The following OR3A2 variants were observed in gnomAD, a reference collection of about 807,000 sequenced individuals.
OR3A2 encodes the protein olfactory receptor family 3 subfamily A member 2.
For synonymous variants in OR3A2, 126 were observed against 159.3 expected, an observed-to-expected ratio of 0.79 and a Z score of 1.57; for missense variants, 318 against 392.8, an observed-to-expected ratio of 0.81 and a Z score of 1.61.
chr17:3,278,341 A>T (rs766055902), exon 2 of OR3A2: 8 of 1,614,092 alleles, frequency 5.0e-6, no homozygotes, highest in Non-Finnish European at 6.8e-6. Context: ...TGGGTGCTGG[A>T]GCAGGAGAGC....
At chr17:3,320,095 C>T (rs62091260) in intron 3 of OR3A2, among the ~76,000 whole-genome samples, 11 of 152,128 alleles carry the variant, frequency 7.2e-5, no homozygotes, top group Non-Finnish European at 1.6e-4. Flanking sequence ...TGGTATCTCA[C>T]TGTGGTTTTG....
intron 3 of OR3A2, among the ~76,000 whole-genome samples, chr17:3,306,291 A>G (rs900383678): frequency 1.3e-5 from 2 of 152,112 alleles, no homozygotes; most frequent in Non-Finnish European, 2.9e-5. Context: ...AGCTGGGACT[A>G]CATGTTTGTG....
At chr17:3,371,542 G>A (rs1291210062) in intron 2 of OR3A2, among the ~76,000 whole-genome samples, 20 of 142,520 alleles carry the variant, frequency 1.4e-4, no homozygotes, top group Non-Finnish European at 2.0e-4. Flanking sequence ...CCTCCCTCCC[G>A]GACGGGGCGG....
intron 3 of OR3A2, among the ~76,000 whole-genome samples, chr17:3,294,949 T>C (rs2048907401): frequency 6.6e-6 from 1 of 152,036 alleles, no homozygotes; most frequent in Non-Finnish European, 1.5e-5. Flanking sequence ...TTCAGAGTTT[T>C]GTTTTGTTTG....
chr17:3,315,576 T>G (rs1027761904), intron 3 of OR3A2, among the ~76,000 whole-genome samples: 1 of 152,100 alleles, frequency 6.6e-6, no homozygotes, highest in Non-Finnish European at 1.5e-5. Context: ...TCCCTATAGG[T>G]TCTGGATATT....
chr17:3,301,129 G>A (rs1404535773), intron 3 of OR3A2, among the ~76,000 whole-genome samples: 1 of 152,078 alleles, frequency 6.6e-6, no homozygotes, highest in Non-Finnish European at 1.5e-5. Context: ...CTTTGCTATT[G>A]TGAATGGTGC....
intron 3 of OR3A2, among the ~76,000 whole-genome samples, chr17:3,323,948 A>G (rs954010633): frequency 1.3e-5 from 2 of 152,092 alleles, no homozygotes; most frequent in Non-Finnish European, 2.9e-5. Context: ...TATCCTGCAC[A>G]GTGTTTTCCA....
intron 3 of OR3A2, among the ~76,000 whole-genome samples, chr17:3,316,154 TG>T (rs762335005): frequency 6.6e-6 from 1 of 152,180 alleles, no homozygotes; most frequent in Non-Finnish European, 1.5e-5. Flanking sequence ...CAGTCAAAGG[TG>T]GTGACTAATC....
At chr17:3,322,627 G>A (rs2049133950) in intron 3 of OR3A2, among the ~76,000 whole-genome samples, 1 of 152,118 alleles carries the variant, frequency 6.6e-6, no homozygotes, top group Non-Finnish European at 1.5e-5. Flanking sequence ...ATTTCGTTAT[G>A]TACCCAGTAG....
At chr17:3,371,551 G>C (rs230483) in intron 2 of OR3A2, among the ~76,000 whole-genome samples, 1 of 142,874 alleles carries the variant, frequency 7.0e-6, no homozygotes, top group African/African-American at 2.6e-5. Flanking sequence ...CGGACGGGGC[G>C]GCTGGCCGGG....
chr17:3,349,820 A>AT (rs1416977827), intron 2 of OR3A2, among the ~76,000 whole-genome samples: 2 of 152,148 alleles, frequency 1.3e-5, no homozygotes, highest in Non-Finnish European at 2.9e-5. Context: ...AACAGAAATT[A>AT]TAACAAACTA....
chr17:3,367,398 A>G (rs1324709428), intron 2 of OR3A2, among the ~76,000 whole-genome samples: 1 of 144,242 alleles, frequency 6.9e-6, no homozygotes. Flanking sequence ...AGAGTTCATT[A>G]TATCATTCTT....
intron 3 of OR3A2, among the ~76,000 whole-genome samples, chr17:3,295,398 A>C (rs1038347967): frequency 6.6e-6 from 1 of 152,082 alleles, no homozygotes; most frequent in Non-Finnish European, 1.5e-5. Context: ...ATTAGTAGAC[A>C]CTGACTAAAA....
chr17:3,325,013 G>A (rs964525855), intron 3 of OR3A2, among the ~76,000 whole-genome samples: 3 of 151,894 alleles, frequency 2.0e-5, no homozygotes, highest in Non-Finnish European at 4.4e-5. Context: ...TTCTGTCTTT[G>A]CTGTTATGCT....
At chr17:3,305,900 T>C (rs988442935) in intron 3 of OR3A2, among the ~76,000 whole-genome samples, 1 of 152,250 alleles carries the variant, frequency 6.6e-6, no homozygotes, top group African/African-American at 2.4e-5. Flanking sequence ...AAGCTCCATG[T>C]AGGGAGGGAG....
chr17:3,359,426 A>G (rs1288644165), intron 2 of OR3A2, among the ~76,000 whole-genome samples: 1 of 151,604 alleles, frequency 6.6e-6, no homozygotes, highest in African/African-American at 2.4e-5. Context: ...TTTCCTTTCT[A>G]TATTTAGTGC....
chr17:3,364,564 A>G (rs922132366), intron 2 of OR3A2, among the ~76,000 whole-genome samples: 1 of 152,144 alleles, frequency 6.6e-6, no homozygotes, highest in Non-Finnish European at 1.5e-5. Context: ...ATGAGATATC[A>G]CCTTACTCAT....
At chr17:3,357,319 C>T (rs1444208710) in intron 2 of OR3A2, among the ~76,000 whole-genome samples, 1 of 151,622 alleles carries the variant, frequency 6.6e-6, no homozygotes, top group African/African-American at 2.4e-5. Context: ...GCTCTATCAC[C>T]TAATCCTTGG....
At chr17:3,310,176 C>T (rs893534402) in intron 3 of OR3A2, 29 of 375,316 alleles carry the variant, frequency 7.7e-5, no homozygotes, top group Non-Finnish European at 1.3e-4. Flanking sequence ...ACATTTCATG[C>T]GTTCTTCCAT....
Sources: gnomAD v4.1 joint callset for allele counts (sites outside exome capture counted in the v4.1 genomes callset) on GRCh38, gnomAD v4.1.1 for gene constraint, MANE v1.5 for transcripts, NCBI Gene and HGNC (gene_info 2026-07-23, HGNC 2026-07-21) for gene names.